TAF3: variants seen among roughly 807,000 people sequenced by gnomAD.
TAF3 encodes the protein TATA-box binding protein associated factor 3.
TAF3 carries 7 observed loss-of-function variants against 80.6 expected under a neutral mutation model. The ratio of observed to expected loss-of-function variants is 0.09; its 90% CI spans 0.05 to 0.16. The LOEUF (loss-of-function observed/expected upper bound fraction) is 0.16. Among genes scored for constraint, TAF3 ranks in the 10% least tolerant of loss-of-function variants. The pLI is 1.00. For synonymous variants in TAF3, 444 were observed against 446.1 expected, an observed-to-expected ratio of 1.00 and a Z score of 0.06; for missense variants, 921 against 1,140.2, an observed-to-expected ratio of 0.81 and a Z score of 2.77.
intron 2 of TAF3, among the ~76,000 whole-genome samples, chr10:7,959,193 G>C (rs1044983832): frequency 6.6e-6 from 1 of 151,738 alleles, no homozygotes. Context: ...TTTTTCTGAC[G>C]AAGTCCTTTG....
chr10:8,012,549 G>A (rs1470144700), intron 5 of TAF3, among the ~76,000 whole-genome samples: 1 of 152,218 alleles, frequency 6.6e-6, no homozygotes, highest in African/African-American at 2.4e-5. Flanking sequence ...CTGGCCACAC[G>A]TGGGAGCTTC....
chr10:7,968,693 G>GA (rs1321941438), intron 3 of TAF3, among the ~76,000 whole-genome samples: 1 of 152,168 alleles, frequency 6.6e-6, no homozygotes, highest in Non-Finnish European at 1.5e-5. Flanking sequence ...GGCTTAGAGA[G>GA]ATTAGTAGAC....
chr10:7,846,366 C>G (rs1285088726), intron 2 of TAF3, among the ~76,000 whole-genome samples: 1 of 152,164 alleles, frequency 6.6e-6, no homozygotes, highest in Non-Finnish European at 1.5e-5. Flanking sequence ...TCTGTCCTTT[C>G]ATTTAAAATA....
intron 2 of TAF3, among the ~76,000 whole-genome samples, chr10:7,901,373 T>G (rs1024132760): frequency 1.3e-5 from 2 of 152,248 alleles, no homozygotes; most frequent in Non-Finnish European, 2.9e-5. Context: ...TTTAAAATTC[T>G]TATAAAAACA....
chr10:8,007,562 T>TTATATATATA (rs34833399), intron 4 of TAF3, among the ~76,000 whole-genome samples: 5 of 60,526 alleles, frequency 8.3e-5, no homozygotes, highest in African/African-American at 1.5e-4. Context: ...GTGTGTGAAA[T>TTATATATATA]TATATATATA....
At chr10:7,905,609 C>T (rs116184764) in intron 2 of TAF3, among the ~76,000 whole-genome samples, 1,694 of 152,208 alleles carry the variant, frequency 0.011, 32 homozygotes, top group African/African-American at 0.038. Flanking sequence ...GGGCCAGGCG[C>T]GGTGGCTCAC....
chr10:7,979,195 T>C (rs1207977798), intron 4 of TAF3, among the ~76,000 whole-genome samples: 2 of 149,020 alleles, frequency 1.3e-5, no homozygotes, highest in Non-Finnish European at 3.0e-5. Context: ...ATACAAAAAA[T>C]TAGCCAGGTG....
At chr10:7,915,382 C>T (rs1369872790) in intron 2 of TAF3, among the ~76,000 whole-genome samples, 3 of 151,008 alleles carry the variant, frequency 2.0e-5, no homozygotes, top group South Asian at 2.1e-4. Context: ...CAGTGGCTCA[C>T]GCCTGTAATC....
At chr10:7,900,083 T>C (rs141534875) in intron 2 of TAF3, among the ~76,000 whole-genome samples, 32 of 152,334 alleles carry the variant, frequency 2.1e-4, no homozygotes, top group African/African-American at 6.7e-4. Context: ...ATCCATCCTG[T>C]GTAATGGTGT....
chr10:7,987,728 T>G (rs1283221704), intron 4 of TAF3, among the ~76,000 whole-genome samples: 1 of 152,248 alleles, frequency 6.6e-6, no homozygotes, highest in Non-Finnish European at 1.5e-5. Flanking sequence ...AGCAAGACTC[T>G]GGGCAACTAG....
intron 2 of TAF3, among the ~76,000 whole-genome samples, chr10:7,949,407 G>A (rs1363144108): frequency 1.3e-5 from 2 of 152,234 alleles, no homozygotes; most frequent in Admixed American, 6.5e-5. Flanking sequence ...TTATATATAA[G>A]TGGACACAAG....
intron 2 of TAF3, among the ~76,000 whole-genome samples, chr10:7,927,237 T>G (rs948958494): frequency 6.6e-6 from 1 of 152,232 alleles, no homozygotes; most frequent in African/African-American, 2.4e-5. Flanking sequence ...GGGAGGATAA[T>G]GAGCACAAAT....
At chr10:7,993,946 A>C (rs1327784211) in intron 4 of TAF3, among the ~76,000 whole-genome samples, 1 of 130,084 alleles carries the variant, frequency 7.7e-6, no homozygotes, top group African/African-American at 3.0e-5. Context: ...GAGTTGATAT[A>C]GTTATCTCCA....
intron 2 of TAF3, among the ~76,000 whole-genome samples, chr10:7,924,118 C>T (rs1485634048): frequency 6.6e-5 from 10 of 152,142 alleles, no homozygotes; most frequent in Admixed American, 5.9e-4. Flanking sequence ...ACTGTTGACA[C>T]GATTACGTTT....
At chr10:7,888,287 A>G (rs1185127210) in intron 2 of TAF3, among the ~76,000 whole-genome samples, 1 of 151,972 alleles carries the variant, frequency 6.6e-6, no homozygotes, top group Non-Finnish European at 1.5e-5. Flanking sequence ...AGCTTTCCTC[A>G]CTCTAACCTT....
chr10:8,011,570 C>T (rs1224806326), intron 5 of TAF3, among the ~76,000 whole-genome samples: 2 of 152,186 alleles, frequency 1.3e-5, no homozygotes, highest in African/African-American at 2.4e-5. Flanking sequence ...GCAACCACGC[C>T]TGGCCTATTA....
chr10:7,847,549 A>G (rs1285106066), intron 2 of TAF3, among the ~76,000 whole-genome samples: 4 of 152,030 alleles, frequency 2.6e-5, no homozygotes, highest in African/African-American at 9.7e-5. Context: ...GGCTCAAGGG[A>G]TCTTCCGCCT....
chr10:7,940,492 C>T (rs544296893), intron 2 of TAF3, among the ~76,000 whole-genome samples: 9 of 152,174 alleles, frequency 5.9e-5, no homozygotes, highest in African/African-American at 1.2e-4. Flanking sequence ...TGGATAACTC[C>T]GATAAACAAC....
chr10:7,848,238 T>G (rs1283458401), intron 2 of TAF3, among the ~76,000 whole-genome samples: 2 of 152,224 alleles, frequency 1.3e-5, no homozygotes, highest in Admixed American at 1.3e-4. Flanking sequence ...TCAGATTTAA[T>G]GGCATTATTA....
Sources: allele counts gnomAD v4.1 joint callset (sites outside exome capture counted in the v4.1 genomes callset), GRCh38; gene constraint gnomAD v4.1.1; transcripts MANE v1.5; gene names NCBI Gene and HGNC (gene_info 2026-07-23, HGNC 2026-07-21).